UBR4: variants seen among roughly 807,000 people sequenced by gnomAD.
UBR4 encodes ubiquitin protein ligase E3 component n-recognin 4.
Under a neutral mutation model 575.6 loss-of-function variants are expected in UBR4, and 124 were observed. The ratio of observed to expected loss-of-function variants is 0.22; its 90% CI spans 0.19 to 0.25. The LOEUF (loss-of-function observed/expected upper bound fraction) is 0.25. Ranked by LOEUF, UBR4 falls within the 10% of genes least tolerant of loss-of-function variation. The pLI is 1.00. For synonymous variants in UBR4, 2,455 were observed against 2,473.7 expected, an observed-to-expected ratio of 0.99 and a Z score of 0.22; for missense variants, 4,818 against 6,478.8, an observed-to-expected ratio of 0.74 and a Z score of 8.80.
intron 19 of UBR4, 24 bp downstream of exon 19, chr1:19,177,437 A>G: frequency 6.2e-7 from 1 of 1,603,648 alleles, no homozygotes; most frequent in South Asian, 1.1e-5. Flanking sequence ...ATGGTGAAGC[A>G]AAAAAGAACG....
chr1:19,078,187 C>T (rs1048435368), intron 103 of UBR4, 121 bp from the exon 104 acceptor site: 39 of 983,642 alleles, frequency 4.0e-5, no homozygotes, highest in Middle Eastern at 2.8e-4. Context: ...GGAGTTCCAG[C>T]GACTAGCCTT....
intron 102 of UBR4, chr1:19,081,816 C>T (rs762194951): frequency 1.4e-6 from 1 of 696,036 alleles, no homozygotes; most frequent in South Asian, 1.6e-5. Context: ...TGTCTAGCTC[C>T]TACCCCAGCT....
In UBR4 at chr1:19,141,603, G is replaced by C. The variant is rs750069219; in HGVS notation, c.8310+44C>G. On this transcript the variant is annotated intron_variant, in intron 56 of 105. Transcript: ENST00000375254. ...TCCACTGAATAAGAGCTAGAGGAGA[G>C]TTGTGAAGCTCCTCCTCCCCTTCTC... 3.7e-5 allele frequency: 60 copies of C among 1,608,980 alleles called. 2 individuals carry two copies. The South Asian group carries it at 6.2e-4, about 17-fold the overall frequency.
In UBR4 at chr1:19,153,335, C is replaced by T. The variant is rs1173728555; in HGVS notation, c.6798G>A (p.Met2266Ile). The T allele has an allele frequency of 1.2e-6, 2 of 1,614,086 alleles. No individual in the cohort carries two copies. The highest frequency in any genetic ancestry group is 1.7e-5 in the Admixed American group (1 of 60,002). The part of the protein sequence containing the change: ...SLQPSSVISI[M>I]KPVRKRKTAT... Reference sequence around the variant, plus strand: ...CTGTTTTGCGCTTTCGAACAGGCTTCATGATGCTGATGACACTGCTGGGCT... The same window carrying T: ...CTGTTTTGCGCTTTCGAACAGGCTTTATGATGCTGATGACACTGCTGGGCT... Residue 2266 changes from methionine (M) to isoleucine (I), a missense_variant, in exon 46 of 106, where the codon ATG becomes ATA. Transcript: ENST00000375254. The surrounding 1 kb of genome is among the most constrained non-coding windows in gnomAD (Gnocchi z 4.1).
chr1:19,197,125 T>C lies in UBR4; in HGVS notation c.1018+16A>G, dbSNP rs926324515. On this transcript the variant is annotated intron_variant, in intron 8 of 105. Transcript: ENST00000375254. ...GCTTGACTGAGAAAATGAGACCAGA[T>C]ATAATAACTTCTCACCTGCATACAG... The C allele has an allele frequency of 1.9e-6, 3 of 1,612,394 alleles. No homozygotes were observed. In the African/African-American group the frequency reaches 4.0e-5, roughly 22 times the overall value.
intron 103 of UBR4, chr1:19,081,148 C>G: frequency 3.7e-6 from 2 of 540,866 alleles, no homozygotes; most frequent in Admixed American, 3.3e-5. Flanking sequence ...AGTAGCGGAA[C>G]AGAAAACCCA....
rs142148172 is a variant in UBR4 at position 19,096,564 on chromosome 1, C to A, written c.13477G>T (p.Ala4493Ser). 4 of 1,613,370 alleles carry A rather than the reference C, an allele frequency of 2.5e-6. No homozygotes were observed. In the South Asian group the frequency reaches 3.3e-5, roughly 13 times the overall value. Residue 4493 changes from alanine (A) to serine (S), a missense_variant, in exon 92 of 106, where the codon GCA becomes TCA. Coordinates refer to ENST00000375254, the MANE Select transcript of UBR4 (RefSeq NM_020765.3). ...GGLECMLNRLAGIRDFKQGRH... is the reference protein window; with the variant it reads ...GGLECMLNRLSGIRDFKQGRH... ...CCCTGCTTGAAATCTCTGATCCCTG[C>A]GAGTCTGTTAAGCATGCATTCCAGG...
chr1:19,127,490 GCTTAGAAT>G (rs2081953360), intron 63 of UBR4, 125 bp downstream of exon 63: 1 of 717,196 alleles, frequency 1.4e-6, no homozygotes, highest in African/African-American at 1.8e-5. Context: ...AAAGGTGACA[GCTTAGAAT>G]CTTACTCCCC....
chr1:19,107,100 C>T (rs2149214279), intron 81 of UBR4, 134 bp from the exon 82 acceptor site: 5 of 1,296,342 alleles, frequency 3.9e-6, no homozygotes, highest in South Asian at 2.9e-5. Context: ...ACGTGTATCT[C>T]TTATGCCCAA....
intron 17 of UBR4, among the ~76,000 whole-genome samples, chr1:19,183,372 T>C (rs576439653): frequency 4.6e-5 from 7 of 152,278 alleles, no homozygotes; most frequent in African/African-American, 1.7e-4. Flanking sequence ...CATATTAGAA[T>C]CACCTCTCAA....
rs747617528 is a variant in UBR4 at position 19,093,523 on chromosome 1, C to G, written c.13938-37G>C. The G allele has an allele frequency of 1.2e-6, 2 of 1,602,296 alleles. No homozygotes were observed. Among genetic ancestry groups the G allele is most frequent in the Non-Finnish European group, 1.7e-6 (2 of 1,172,396 alleles). The stretch of plus-strand genomic sequence containing the variant: ...GAGCAGAGTTTGAGGGTGTGAAAGG[C>G]GGGACAAAACCCAGTCATGTCACCC... On this transcript the variant is annotated intron_variant, in intron 95 of 105. Transcript: ENST00000375254. The surrounding 1 kb of genome is among the most constrained non-coding windows in gnomAD (Gnocchi z 4.8).
Position 19,097,326 on chromosome 1 carries a change from C to T in UBR4, c.13303-46G>A, listed in dbSNP as rs201338572. ...AAAGGTACTTAAAAACAGGCCCAGA[C>T]AAATGCAAAGGACTCCATACTTGGT... On this transcript the variant is annotated intron_variant, in intron 90 of 105. Coordinates refer to ENST00000375254, the MANE Select transcript of UBR4 (RefSeq NM_020765.3). The T allele has an allele frequency of 1.5e-5, 24 of 1,571,640 alleles. No homozygotes were observed. The East Asian group carries it at 5.0e-4, about 32-fold the overall frequency.
intron 60 of UBR4, among the ~76,000 whole-genome samples, chr1:19,129,364 C>T (rs2082171490): frequency 6.6e-6 from 1 of 152,204 alleles, no homozygotes; most frequent in African/African-American, 2.4e-5. Context: ...ATTTCCCAAG[C>T]CTCCAGGCCC....
intron 35 of UBR4, 33 bp from the exon 36 acceptor site, chr1:19,161,930 TA>T: frequency 6.2e-7 from 1 of 1,612,270 alleles, no homozygotes; most frequent in Non-Finnish European, 8.5e-7. Context: ...TAATTCGAAA[TA>T]TATCCCTGCA....
rs1403370582 is a variant in UBR4, at chr1:19,088,842, C to T, written c.14347G>A (p.Ala4783Thr). The T allele has an allele frequency of 3.1e-6, 5 of 1,613,994 alleles. No individual in the cohort carries two copies. The highest frequency in any genetic ancestry group is 2.2e-5 in the East Asian group (1 of 44,880). ...TCTGCCCGGGTCTCCCTGCGGGCTG[C>T]GTCAATCTTCTTGTTTACGTCAGGG... Reference protein sequence around the residue: ...EHPDVNKKIDAARRETRAEKK... With the variant: ...EHPDVNKKIDTARRETRAEKK... Residue 4783 changes from alanine (A) to threonine (T), a missense_variant, in exon 98 of 106, where the codon GCA becomes ACA. By Grantham distance (58) the Ala-to-Thr change is moderately conservative. Coordinates refer to ENST00000375254, the MANE Select transcript of UBR4 (RefSeq NM_020765.3). The surrounding 1 kb of genome is among the most constrained non-coding windows in gnomAD (Gnocchi z 4.0).
chr1:19,105,828 T>C lies in UBR4; in HGVS notation c.12408A>G (p.Pro4136=), dbSNP rs2079129024. 6.2e-7 allele frequency: 1 copy of C among 1,601,624 alleles called. No homozygotes were observed. The highest frequency in any genetic ancestry group is 8.5e-7 in the Non-Finnish European group (1 of 1,175,924). The change falls in exon 84 of 106, where the codon CCA becomes CCG. Residue 4136 remains proline (P), a synonymous_variant. Transcript: ENST00000375254. The part of the protein sequence containing the change: ...NNWLRQVLFT[P]ATQAARQAAC... ...CTGCCTGCCGTGCGGCCTGCGTTGC[T>C]GGAGTGAAAAGCACCTGCAGGACAG...
intron 87 of UBR4, among the ~76,000 whole-genome samples, chr1:19,102,566 T>C (rs1570486524): frequency 6.6e-6 from 1 of 152,246 alleles, no homozygotes; most frequent in East Asian, 1.9e-4. Context: ...CAATTTAAAG[T>C]GTTGAATAAA....
At chr1:19,193,328 G>A (rs544529311) in intron 9 of UBR4, 105 bp downstream of exon 9, 47 of 1,482,848 alleles carry the variant, frequency 3.2e-5, no homozygotes, top group East Asian at 4.6e-5. Flanking sequence ...AAAGTAGTGT[G>A]GAGAATACTC....
chr1:19,095,245 T>G (rs1473382054), intron 93 of UBR4, among the ~76,000 whole-genome samples: 6 of 152,222 alleles, frequency 3.9e-5, no homozygotes, highest in Non-Finnish European at 8.8e-5. Context: ...GAGGGGCACT[T>G]CTTTCCCACT....
Sources: allele counts gnomAD v4.1 joint callset (sites outside exome capture counted in the v4.1 genomes callset), GRCh38; gene constraint gnomAD v4.1.1; non-coding constraint Gnocchi (gnomAD v3.1); transcripts MANE v1.5; gene names NCBI Gene and HGNC (gene_info 2026-07-23, HGNC 2026-07-21).